The following DMXL1 variants were observed in gnomAD, a reference collection of about 807,000 sequenced individuals.
DMXL1 encodes the protein dmX-like protein 1.
Under a neutral mutation model 319.2 loss-of-function variants are expected in DMXL1, and 99 were observed. The observed-to-expected ratio is 0.31, with a 90% confidence interval of 0.26 to 0.37. The LOEUF is 0.37. Ranked by LOEUF, DMXL1 falls within the 10% of genes least tolerant of loss-of-function variation. The probability of loss-of-function intolerance (pLI) is 1.00; values close to 1 mark genes in which losing one functional copy is unlikely to be tolerated. For missense variants in DMXL1, 3,745 were observed against 3,595.6 expected (o/e 1.04, Z -1.06); for synonymous variants, 1,385 against 1,235.2 (o/e 1.12, Z -2.54).
Position 119,071,319 on chromosome 5 carries a change from G to A in DMXL1, c.-251G>A, listed in dbSNP as rs1749480411. ...CTGAGCTTCACCTGGGCTAGCGCGGGGAGTGACAGGTGCGCGAAGGAGCGC... is the reference window on the plus strand; with the variant it reads ...CTGAGCTTCACCTGGGCTAGCGCGGAGAGTGACAGGTGCGCGAAGGAGCGC... On this transcript the variant is annotated 5_prime_UTR_variant, in exon 1 of 44. Coordinates refer to ENST00000539542, the MANE Select transcript of DMXL1 (RefSeq NM_001290321.3). 3 of 503,710 alleles carry A rather than the reference G, an allele frequency of 6.0e-6. No homozygotes were observed. The highest frequency in any genetic ancestry group is 1.1e-5 in the Non-Finnish European group (3 of 284,884). The allele number at this position is 503,710 out of a possible 1,614,324, so 31.2% of individuals were successfully genotyped here. A position where few individuals can be genotyped will look rare whatever the true frequency, so the allele number is the denominator to read the frequency against.
intron 28 of DMXL1, among the ~76,000 whole-genome samples, chr5:119,185,737 AC>A (rs147081351): frequency 0.032 from 4,811 of 151,988 alleles, 274 homozygotes; most frequent in African/African-American, 0.11. Context: ...TCCTGGTCTC[AC>A]GTGGTCTGCC....
chr5:119,176,880 G>C (rs1203361261), intron 26 of DMXL1, among the ~76,000 whole-genome samples: 2 of 151,970 alleles, frequency 1.3e-5, no homozygotes, highest in East Asian at 1.9e-4. Context: ...AGCGTCATAT[G>C]CATAGGTTTC....
rs564814958 is a variant in DMXL1 at position 119,103,572 on chromosome 5, A to C, written c.285+1566A>C. On this transcript the variant is annotated intron_variant, in intron 3 of 43. Transcript: ENST00000539542. ...TCCTTACCTTGTGTTAATGAAAACTATTTTCTGAGTTAATTGATATTTATC... is the reference window on the plus strand; with the variant it reads ...TCCTTACCTTGTGTTAATGAAAACTCTTTTCTGAGTTAATTGATATTTATC... 3.3e-5 allele frequency among the ~76,000 whole-genome samples: 5 copies of C among 152,248 alleles called. 1 individual carries two copies. In the South Asian group the frequency reaches 6.2e-4, roughly 19 times the overall value.
intron 20 of DMXL1, among the ~76,000 whole-genome samples, 173 bp downstream of exon 20, chr5:119,164,849 A>G (rs1379512817): frequency 6.6e-6 from 1 of 152,186 alleles, no homozygotes; most frequent in African/African-American, 2.4e-5. Context: ...AAGTTTTAAA[A>G]TGTATATTCT....
intron 33 of DMXL1, 148 bp from the exon 34 acceptor site, chr5:119,206,686 G>A (rs1781803773): frequency 7.7e-6 from 4 of 518,572 alleles, no homozygotes; most frequent in Non-Finnish European, 1.0e-5. Context: ...TTCTTATAAG[G>A]TGTATGAAAT....
rs772342945 is a variant in DMXL1, at chr5:119,110,178, A to G, written c.392A>G (p.Tyr131Cys). ...AGTCGTCTTTTAACTGGTTCCAGCT[A>G]TTTGCAACTCTGGTCCAATACTAAC... ...TGSRLLTGSSYLQLWSNTNLE... is the reference protein window; with the variant it reads ...TGSRLLTGSSCLQLWSNTNLE... Residue 131 changes from tyrosine (Y) to cysteine (C), a missense_variant, in exon 5 of 44, where the codon TAT (tyrosine) becomes TGT (cysteine). Tyr to Cys is a radical substitution (Grantham distance 194, BLOSUM62 -2). Transcript: ENST00000539542. 34 of 1,597,884 alleles carry G rather than the reference A, an allele frequency of 2.1e-5. No homozygotes were observed. The East Asian group carries it at 3.4e-4, about 16-fold the overall frequency.
At chr5:119,175,930 C>G (rs1775713017) in intron 26 of DMXL1, among the ~76,000 whole-genome samples, 1 of 152,006 alleles carries the variant, frequency 6.6e-6, no homozygotes, top group Admixed American at 6.6e-5. Context: ...TACTCTATTT[C>G]TTCAAGTATT....
intron 14 of DMXL1, 140 bp downstream of exon 14, chr5:119,144,070 A>G (rs1350473164): frequency 1.8e-6 from 1 of 543,276 alleles, no homozygotes; most frequent in Non-Finnish European, 3.3e-6. Flanking sequence ...CACATAATAG[A>G]TAACATATTA....
Position 119,197,757 on chromosome 5 carries a change from C to T in DMXL1, c.7546C>T (p.Leu2516Phe). Residue 2516 changes from leucine to phenylalanine, a missense_variant and splice_region_variant, in exon 32 of 44, where the codon CTT becomes TTT. By Grantham distance (22) the Leu-to-Phe change is conservative. Coordinates refer to ENST00000539542, the MANE Select transcript of DMXL1 (RefSeq NM_001290321.3). ...ATGAGTCAATGTTCCCATTTTAGAG[C>T]TTCCAGTTAGTTCACCTCTTTGTCA... ...YPFAGHDLAE[L>F]PVSSPLCHAV... The T allele has an allele frequency of 6.2e-7, 1 of 1,613,738 alleles. No homozygotes were observed. The highest frequency in any genetic ancestry group is 8.5e-7 in the Non-Finnish European group (1 of 1,179,834).
chr5:119,088,414 C>T (rs78705556), intron 1 of DMXL1, among the ~76,000 whole-genome samples: 4,975 of 152,180 alleles, frequency 0.033, 257 homozygotes, highest in African/African-American at 0.11. Flanking sequence ...CCACTCTGTG[C>T]CTTCTAATGG....
chr5:119,109,923 A>T (rs1256568681), intron 4 of DMXL1, among the ~76,000 whole-genome samples: 1 of 152,238 alleles, frequency 6.6e-6, no homozygotes, highest in East Asian at 1.9e-4. Context: ...TGCCCGGGAC[A>T]AAGAAGATGC....
chr5:119,220,371 C>A, intron 35 of DMXL1, 101 bp from the exon 36 acceptor site: 1 of 1,013,336 alleles, frequency 9.9e-7, no homozygotes. Flanking sequence ...CTTTAGTTAT[C>A]ACTGCTAGAG....
intron 1 of DMXL1, among the ~76,000 whole-genome samples, chr5:119,088,232 T>G (rs1031069413): frequency 6.6e-6 from 1 of 152,246 alleles, no homozygotes; most frequent in Non-Finnish European, 1.5e-5. Flanking sequence ...TGTCTTTGAT[T>G]TGTAGCGTAT....
intron 15 of DMXL1, among the ~76,000 whole-genome samples, chr5:119,145,763 T>G (rs562538269): frequency 6.6e-6 from 1 of 151,816 alleles, no homozygotes; most frequent in East Asian, 1.9e-4. Context: ...TTCAGGAAAT[T>G]TTTACTTTTA....
intron 13 of DMXL1, among the ~76,000 whole-genome samples, chr5:119,134,679 T>A (rs915008199): frequency 6.6e-6 from 1 of 152,240 alleles, no homozygotes; most frequent in Non-Finnish European, 1.5e-5. Context: ...GTAGAAGTTA[T>A]ATCGGCCCCC....
intron 25 of DMXL1, among the ~76,000 whole-genome samples, chr5:119,173,800 TG>T (rs1468709717): frequency 4.5e-3 from 211 of 47,218 alleles, no homozygotes; most frequent in East Asian, 0.031. Flanking sequence ...ATATATATAA[TG>T]AGAGAGAGAT....
At chr5:119,100,849 G>A (rs1227359449) in intron 2 of DMXL1, among the ~76,000 whole-genome samples, 3 of 145,240 alleles carry the variant, frequency 2.1e-5, no homozygotes, top group Non-Finnish European at 4.5e-5. Context: ...GCGTGAACTC[G>A]GCTCACTGCA....
chr5:119,161,738 G>A (rs1263987252), intron 19 of DMXL1, among the ~76,000 whole-genome samples: 4 of 152,172 alleles, frequency 2.6e-5, no homozygotes, highest in East Asian at 1.9e-4. Context: ...CAGTCTGGGC[G>A]GGGCTTTGGG....
intron 33 of DMXL1, 92 bp from the exon 34 acceptor site, chr5:119,206,742 G>A (rs1404060063): frequency 2.3e-5 from 17 of 730,906 alleles, no homozygotes; most frequent in African/African-American, 2.0e-4. Context: ...AGTAAATTTG[G>A]TTTAAAATAT....
Sources: gnomAD v4.1 joint callset for allele counts (sites outside exome capture counted in the v4.1 genomes callset) on GRCh38, gnomAD v4.1.1 for gene constraint, MANE v1.5 for transcripts, NCBI Gene and HGNC (gene_info 2026-07-23, HGNC 2026-07-21) for gene names.